Variants in HELZ observed in about 807,000 individuals in gnomAD.
The protein encoded by HELZ is ATP-dependent RNA helicase with zinc finger domain.
A neutral mutation model predicts 218.2 loss-of-function variants in HELZ; 23 were observed. That is an observed-to-expected ratio of 0.11 (90% CI 0.08 to 0.15). The LOEUF (loss-of-function observed/expected upper bound fraction) is 0.15. HELZ is among the 10% of genes least tolerant of loss of function. HELZ has a pLI of 1.00. For synonymous variants in HELZ, 814 were observed against 829.4 expected (o/e 0.98, Z 0.32); for missense variants, 1,813 against 2,353.7 (o/e 0.77, Z 4.75).
Position 67,107,838 on chromosome 17 carries a change from T to G in HELZ, c.4725-153A>C, listed in dbSNP as rs1312232575. Among the ~76,000 whole-genome samples, 3 of 152,218 alleles carry G rather than the reference T, an allele frequency of 2.0e-5. No homozygotes were observed. In the East Asian group the frequency reaches 5.8e-4, roughly 29 times the overall value. ...TCATCTCAGATGTAAGCATTAACAC[T>G]CAATAGATGCTGAGGTGAAGAAATT... On this transcript the variant is annotated intron_variant, in intron 30 of 32. Transcript: ENST00000358691.
chr17:67,118,692 C>CAAAAAAAAA (rs142101119), intron 27 of HELZ, among the ~76,000 whole-genome samples: 5 of 44,916 alleles, frequency 1.1e-4, no homozygotes, highest in African/African-American at 1.9e-4. Flanking sequence ...CTTTAAAAGG[C>CAAAAAAAAA]AAAAAAAAAA....
chr17:67,112,462 C>T (rs1295057495), intron 28 of HELZ, among the ~76,000 whole-genome samples: 1 of 152,190 alleles, frequency 6.6e-6, no homozygotes, highest in African/African-American at 2.4e-5. Flanking sequence ...TCTCTCTGCA[C>T]CACTTCCCAA....
chr17:67,238,423 T>C (rs1457890953), intron 3 of HELZ, among the ~76,000 whole-genome samples: 1 of 151,362 alleles, frequency 6.6e-6, no homozygotes, highest in Non-Finnish European at 1.5e-5. Flanking sequence ...GGCTCACGCC[T>C]GTAATCCTGA....
intron 31 of HELZ, 50 bp downstream of exon 31, chr17:67,107,119 A>G (rs147275333): frequency 0.015 from 21,721 of 1,473,626 alleles, 264 homozygotes; most frequent in South Asian, 0.019. Context: ...ATAAATACTG[A>G]TATTTTTCAC....
intron 31 of HELZ, among the ~76,000 whole-genome samples, chr17:67,094,841 T>G (rs1312520912): frequency 2.0e-5 from 3 of 152,236 alleles, no homozygotes; most frequent in African/African-American, 7.2e-5. Context: ...TTTAAAATAA[T>G]GTATTGCTTG....
At chr17:67,145,009 AC>A (rs1232364951) in intron 21 of HELZ, among the ~76,000 whole-genome samples, 4 of 152,196 alleles carry the variant, frequency 2.6e-5, no homozygotes, top group African/African-American at 9.6e-5. Context: ...ATGAATTCCT[AC>A]TACATAATAA....
intron 13 of HELZ, among the ~76,000 whole-genome samples, chr17:67,174,556 T>A (rs561676752): frequency 3.3e-5 from 5 of 152,288 alleles, no homozygotes; most frequent in African/African-American, 1.2e-4. Context: ...CCCAGCACTT[T>A]GGTAGGCCGA....
At chr17:67,136,263 G>C (rs2038146341) in intron 22 of HELZ, 65 bp from the exon 23 acceptor site, 3 of 1,081,356 alleles carry the variant, frequency 2.8e-6, no homozygotes, top group Non-Finnish European at 4.1e-6. Flanking sequence ...TATAATAAAA[G>C]CATTGCATTT....
In HELZ at chr17:67,189,641, G is replaced by A; in HGVS notation, c.812C>T (p.Thr271Ile). Residue 271 changes from threonine (T) to isoleucine (I), a missense_variant, in exon 11 of 33, where the codon ACT becomes ATT. Thr to Ile is a moderately conservative substitution (Grantham distance 89, BLOSUM62 -1). This residue lies in a region of HELZ where 714 missense variants were observed against 1,029.2 expected (regional missense o/e 0.69). Transcript: ENST00000358691. ...CTGGTGGGATTTTTTGGTGCTGACAGTAACTGACAGGTCAGGATTGTGCTC... is the reference window on the plus strand; with the variant it reads ...CTGGTGGGATTTTTTGGTGCTGACAATAACTGACAGGTCAGGATTGTGCTC... ...KVEHNPDLSV[T>I]VSTKKSHQTW... 1 of 1,613,760 alleles carries A rather than the reference G, an allele frequency of 6.2e-7. No homozygotes were observed. Among genetic ancestry groups the A allele is most frequent in the Non-Finnish European group, 8.5e-7 (1 of 1,179,720 alleles).
chr17:67,170,720 G>A (rs1288647048), intron 13 of HELZ, among the ~76,000 whole-genome samples: 2 of 151,834 alleles, frequency 1.3e-5, no homozygotes, highest in Non-Finnish European at 2.9e-5. Flanking sequence ...ATAGCTACAA[G>A]GGAGGCTGAG....
At chr17:67,152,719 A>G (rs938803805) in intron 17 of HELZ, among the ~76,000 whole-genome samples, 11 of 151,278 alleles carry the variant, frequency 7.3e-5, no homozygotes, top group African/African-American at 2.4e-4. Context: ...TTGGGATAAT[A>G]CTAAACCTTG....
At chr17:67,206,278 A>C (rs1235788148) in intron 5 of HELZ, among the ~76,000 whole-genome samples, 1 of 152,248 alleles carries the variant, frequency 6.6e-6, no homozygotes, top group Non-Finnish European at 1.5e-5. Context: ...TAGGAGTTAC[A>C]AAGGAGGACT....
rs145809917 is a variant in HELZ, at chr17:67,123,995, G to C, written c.3407C>G (p.Thr1136Ser). Reference sequence around the variant, plus strand: ...ATCATTCTGGAAGTGATCATTCTGGGTATGATGAAGACTTTTCCCCTTTAA... The same window carrying C: ...ATCATTCTGGAAGTGATCATTCTGGCTATGATGAAGACTTTTCCCCTTTAA... The part of the protein sequence containing the change: ...SPPKGKSLHH[T>S]QNDHFQNDGI... Residue 1136 changes from threonine (T) to serine (S), a missense_variant, in exon 25 of 33, where the codon ACC becomes AGC. Around this residue, in one of 4 missense-constraint regions of HELZ, gnomAD observed 938 missense variants for 1,027.5 expected, o/e 0.91. Transcript: ENST00000358691. 2.4e-3 allele frequency: 3,905 copies of C among 1,604,314 alleles called. 47 individuals are homozygous for C. The East Asian group carries it at 0.031, about 13-fold the overall frequency.
At chr17:67,234,316 AAAAG>A (rs2041122051) in intron 3 of HELZ, among the ~76,000 whole-genome samples, 1 of 145,790 alleles carries the variant, frequency 6.9e-6, no homozygotes, top group African/African-American at 2.8e-5. Flanking sequence ...AAAGAAAGAA[AAAAG>A]AAAAAAAAAA....
intron 3 of HELZ, among the ~76,000 whole-genome samples, chr17:67,220,881 T>C (rs2040727930): frequency 7.2e-6 from 1 of 139,858 alleles, no homozygotes; most frequent in Non-Finnish European, 1.6e-5. Context: ...AGTACTGTAT[T>C]CTTGGTCTTT....
At chr17:67,097,139 T>C (rs1424579621) in intron 31 of HELZ, among the ~76,000 whole-genome samples, 1 of 152,208 alleles carries the variant, frequency 6.6e-6, no homozygotes, top group African/African-American at 2.4e-5. Flanking sequence ...AGCAAGTCAA[T>C]GGAGCAGTCA....
intron 3 of HELZ, among the ~76,000 whole-genome samples, chr17:67,231,408 A>G (rs1179899656): frequency 6.6e-6 from 1 of 152,066 alleles, no homozygotes; most frequent in Non-Finnish European, 1.5e-5. Context: ...CCTGGCTAAC[A>G]TGGTGAAACC....
At position 67,077,933 on chromosome 17, in the gene HELZ, CTT is replaced by C. The variant is rs573432295; in HGVS notation, c.*317_*318del. On this transcript the variant is annotated 3_prime_UTR_variant, in exon 33 of 33. Transcript: ENST00000358691. ...TTAAATACATTTTAGACAAACTTTT[CTT>C]TTTTTTTTTTTTTTTATAGTTGCAC... The C allele has an allele frequency of 1.1e-3, 146 of 129,474 alleles. No homozygotes were observed. The highest frequency in any genetic ancestry group is 1.7e-3 in the Non-Finnish European group (103 of 60,592). The allele number at this position is 129,474 out of a possible 1,614,324, so 8.0% of individuals were successfully genotyped here. A position where few individuals can be genotyped will look rare whatever the true frequency, so the allele number is the denominator to read the frequency against.
At position 67,107,599 on chromosome 17, in the gene HELZ, A is replaced by C. The variant is rs746330965; in HGVS notation, c.4811T>G (p.Leu1604Arg). ...ACTCTGTACTTGTCTATATTGCAAA[A>C]GTCTTGATTGAGGTGGTGGCATTTC... ...LAEMPPPQSR[L>R]LQYRQVQSRS... Residue 1604 changes from leucine (L) to arginine (R), a missense_variant, in exon 31 of 33, where the codon CTT (leucine) becomes CGT (arginine). Around this residue, in one of 4 missense-constraint regions of HELZ, gnomAD observed 938 missense variants for 1,027.5 expected, o/e 0.91. Coordinates refer to ENST00000358691, the MANE Select transcript of HELZ (RefSeq NM_014877.4). 2 of 1,614,008 alleles carry C rather than the reference A, an allele frequency of 1.2e-6. No individual in the cohort carries two copies. Among genetic ancestry groups the C allele is most frequent in the Non-Finnish European group, 1.7e-6 (2 of 1,180,028 alleles).
Sources: gnomAD v4.1 joint callset for allele counts (sites outside exome capture counted in the v4.1 genomes callset) on GRCh38, gnomAD v4.1.1 for gene constraint, gnomAD v4.1.1 regional missense constraint, MANE v1.5 for transcripts, NCBI Gene and HGNC (gene_info 2026-07-23, HGNC 2026-07-21) for gene names.